The following MBP variants were observed in gnomAD, a reference collection of about 807,000 sequenced individuals.
The protein encoded by MBP is Golli-MBP.
In MBP, 16 loss-of-function variants were observed where a neutral mutation model predicts 35.8. The ratio of observed to expected loss-of-function variants is 0.45; its 90% CI spans 0.30 to 0.68. MBP has a LOEUF of 0.68. Ranked by LOEUF, MBP falls within the 30% of genes least tolerant of loss-of-function variation. The pLI is 0.08. For missense variants in MBP, 380 were observed against 404.7 expected, an observed-to-expected ratio of 0.94 and a Z score of 0.52; for synonymous variants, 143 against 159.6, an observed-to-expected ratio of 0.90 and a Z score of 0.78.
intron 2 of MBP, among the ~76,000 whole-genome samples, chr18:77,096,255 C>T (rs1447646263): frequency 6.6e-6 from 1 of 152,210 alleles, no homozygotes; most frequent in Non-Finnish European, 1.5e-5. Flanking sequence ...TGAATTGCTT[C>T]AATGCCTTTG....
intron 3 of MBP, chr18:77,065,974 C>A: frequency 3.9e-6 from 1 of 259,578 alleles, no homozygotes; most frequent in South Asian, 7.1e-5. Context: ...CCTCTCACTT[C>A]AGCCTCCCAA....
intron 3 of MBP, among the ~76,000 whole-genome samples, chr18:77,060,851 C>A (rs1251024782): frequency 2.0e-5 from 3 of 152,196 alleles, no homozygotes; most frequent in African/African-American, 7.2e-5. Context: ...AAGTCGCACC[C>A]CCAGTTGCAT....
intron 3 of MBP, among the ~76,000 whole-genome samples, chr18:77,037,252 G>A (rs1326716477): frequency 1.3e-5 from 2 of 150,224 alleles, no homozygotes; most frequent in African/African-American, 4.9e-5. Flanking sequence ...GCAAGTGCTG[G>A]TCACATTTTG....
intron 1 of MBP, among the ~76,000 whole-genome samples, chr18:77,129,884 C>CA (rs1265239039): frequency 2.6e-5 from 4 of 151,544 alleles, no homozygotes; most frequent in Non-Finnish European, 4.4e-5. Flanking sequence ...CAAAAACAAA[C>CA]AAAAAAACGC....
At chr18:77,027,637 A>G (rs1972275387) in intron 3 of MBP, among the ~76,000 whole-genome samples, 1 of 152,126 alleles carries the variant, frequency 6.6e-6, no homozygotes, top group African/African-American at 2.4e-5. Flanking sequence ...TTTGGTAACC[A>G]CTTTTCTGTA....
At position 76,988,933 on chromosome 18, in the gene MBP, G is replaced by C; in HGVS notation, c.682-21C>G. On this transcript the variant is annotated intron_variant, in intron 5 of 8. Coordinates refer to ENST00000355994, the MANE Select transcript of MBP (RefSeq NM_001025101.2). This position sits in a 1 kb window ranked among gnomAD's most constrained non-coding sequence, Gnocchi z 5.2. ...GTCACCTGGAAAGACACAGAGAACC[G>C]TGGGCTGCACTGGGAGCCCTGTGCC... 1 of 1,613,562 alleles carries C rather than the reference G, an allele frequency of 6.2e-7. No homozygotes were observed. Among genetic ancestry groups the C allele is most frequent in the Non-Finnish European group, 8.5e-7 (1 of 1,179,468 alleles).
chr18:77,057,048 C>T (rs1973754900), intron 3 of MBP, among the ~76,000 whole-genome samples: 1 of 152,198 alleles, frequency 6.6e-6, no homozygotes, highest in Admixed American at 6.5e-5. Flanking sequence ...AGGCATGTCC[C>T]CCAAGAACTG....
chr18:77,102,233 C>T lies in MBP; in HGVS notation c.51+2978G>A, dbSNP rs368710208. 3.9e-5 allele frequency among the ~76,000 whole-genome samples: 6 copies of T among 152,236 alleles called. No homozygotes were observed. The highest frequency in any genetic ancestry group is 2.0e-4 in the Admixed American group (3 of 15,296). On this transcript the variant is annotated intron_variant, in intron 2 of 8. Transcript: ENST00000355994. This position sits in a 1 kb window ranked among gnomAD's most constrained non-coding sequence, Gnocchi z 4.4. ...GTGTGTGGGGTAGACCGGGCAGCCCCCACCGCAGCTGCCCTCCCTGCTGAC... is the reference window on the plus strand; with the variant it reads ...GTGTGTGGGGTAGACCGGGCAGCCCTCACCGCAGCTGCCCTCCCTGCTGAC...
rs368943667 is a variant in MBP at position 76,995,163 on chromosome 18, A to T, written c.577-5103T>A. ...AAATGTACAGAACTTTAAAGCTAAC[A>T]CTAGAAAATGCTGGTGGAAGAAATC... On this transcript the variant is annotated intron_variant, in intron 4 of 8. Coordinates refer to ENST00000355994, the MANE Select transcript of MBP (RefSeq NM_001025101.2). Among the ~76,000 whole-genome samples, 10 of 152,364 alleles carry T rather than the reference A, an allele frequency of 6.6e-5. No homozygotes were observed. In the East Asian group the frequency reaches 1.7e-3, roughly 26 times the overall value.
At chr18:77,081,159 G>A (rs1974883925) in intron 2 of MBP, among the ~76,000 whole-genome samples, 2 of 152,146 alleles carry the variant, frequency 1.3e-5, no homozygotes, top group African/African-American at 4.8e-5. Context: ...GTGCCTCCTG[G>A]GCGGCAGCTC....
intron 3 of MBP, among the ~76,000 whole-genome samples, chr18:77,029,375 CG>C (rs1568302140): frequency 7.1e-6 from 1 of 141,488 alleles, no homozygotes; most frequent in Non-Finnish European, 1.5e-5. Context: ...AGTCCAGCTT[CG>C]GCTCGGCATC....
At chr18:77,093,133 C>T (rs1568336183) in intron 2 of MBP, 1 of 86,602 alleles carries the variant, frequency 1.2e-5, no homozygotes, top group Non-Finnish European at 2.8e-5. Flanking sequence ...GTTGTCTGAG[C>T]AGAAGCTGGA....
intron 7 of MBP, chr18:76,985,729 G>A: frequency 9.9e-7 from 1 of 1,006,906 alleles, no homozygotes; most frequent in Non-Finnish European, 1.2e-6. Flanking sequence ...CCTTGGGCAA[G>A]GGCAGGAACC....
intron 2 of MBP, chr18:77,087,487 G>T (rs1407349284): frequency 6.6e-6 from 1 of 152,248 alleles, no homozygotes; most frequent in Non-Finnish European, 1.5e-5. Flanking sequence ...CCGGATCCCA[G>T]GGAGGAGGCG....
chr18:77,110,999 G>A (rs1257227079), intron 1 of MBP, among the ~76,000 whole-genome samples: 5 of 152,032 alleles, frequency 3.3e-5, no homozygotes, highest in Admixed American at 6.6e-5. Context: ...GAGTCTTCGC[G>A]GTGTACGGGA....
In MBP at chr18:76,989,980, G is replaced by C. The variant is rs76912958; in HGVS notation, c.657C>G (p.Pro219=). 3.1e-6 allele frequency: 5 copies of C among 1,612,286 alleles called. No individual in the cohort carries two copies. In the East Asian group the frequency reaches 1.1e-4, roughly 36 times the overall value. The change falls in exon 5 of 9, where the codon CCC becomes CCG. Residue 219 remains proline (P), a synonymous_variant. Coordinates refer to ENST00000355994, the MANE Select transcript of MBP (RefSeq NM_001025101.2). The surrounding 1 kb of genome is among the most constrained non-coding windows in gnomAD (Gnocchi z 4.0). The part of the protein sequence containing the change: ...KSHGRTQDEN[P]VVHFFKNIVT... Reference sequence around the variant, plus strand: ...CAATGTTCTTGAAGAAGTGGACTACGGGGTTTTCATCTTGGGTCCGGCCGT... The same window carrying C: ...CAATGTTCTTGAAGAAGTGGACTACCGGGTTTTCATCTTGGGTCCGGCCGT...
intron 3 of MBP, among the ~76,000 whole-genome samples, chr18:77,024,248 T>C (rs1054626317): frequency 6.6e-6 from 1 of 152,270 alleles, no homozygotes; most frequent in African/African-American, 2.4e-5. Context: ...TGAGTTATTT[T>C]GTGACTTTTT....
intron 3 of MBP, among the ~76,000 whole-genome samples, chr18:77,042,525 T>A (rs556054060): frequency 1.3e-5 from 2 of 152,368 alleles, no homozygotes; most frequent in Admixed American, 1.3e-4. Context: ...TTAATACGTA[T>A]TCTGTATTGC....
At chr18:77,118,612 C>CCAGACA (rs139924625) in intron 1 of MBP, among the ~76,000 whole-genome samples, 2 of 134,204 alleles carry the variant, frequency 1.5e-5, no homozygotes, top group Non-Finnish European at 3.2e-5. Flanking sequence ...TCCACAGACA[C>CCAGACA]CACACACACA....
Sources: gnomAD v4.1 joint callset for allele counts (sites outside exome capture counted in the v4.1 genomes callset) on GRCh38, gnomAD v4.1.1 for gene constraint, Gnocchi (gnomAD v3.1) non-coding constraint, MANE v1.5 for transcripts, NCBI Gene and HGNC (gene_info 2026-07-23, HGNC 2026-07-21) for gene names.